The following IGF2BP1 variants were observed in gnomAD, a reference collection of about 807,000 sequenced individuals.
IGF2BP1 encodes insulin like growth factor 2 mRNA binding protein 1.
In IGF2BP1, 11 loss-of-function variants were observed where a neutral mutation model predicts 74.9. The ratio of observed to expected loss-of-function variants is 0.15; its 90% confidence interval spans 0.09 to 0.24. IGF2BP1 has a LOEUF of 0.24. Among genes scored for constraint, IGF2BP1 ranks in the 10% least tolerant of loss-of-function variants. IGF2BP1 has a pLI of 1.00. For missense variants in IGF2BP1, 440 were observed against 757.4 expected (o/e 0.58, Z 4.92); for synonymous variants, 287 against 281.8 (o/e 1.02, Z -0.18).
At position 49,049,510 on chromosome 17, in the gene IGF2BP1, C is replaced by T. The variant is rs527761334; in HGVS notation, c.*66C>T. 405 of 1,393,064 alleles carry T rather than the reference C, an allele frequency of 2.9e-4. 1 individual carries two copies. Among genetic ancestry groups the T allele is most frequent in the Admixed American group, 1.3e-3 (73 of 55,116 alleles). The allele number at this position is 1,393,064 out of a possible 1,614,324, so 86.3% of individuals were successfully genotyped here. ...GCAGAAATCGAGAGTGTGCTCTCCC[C>T]GGCAGGCCTGAGAATGAGTGGGAAT... On this transcript the variant is annotated 3_prime_UTR_variant, in exon 15 of 15. Transcript: ENST00000290341.
intron 2 of IGF2BP1, among the ~76,000 whole-genome samples, chr17:49,022,025 C>T (rs113380629): frequency 0.016 from 2,362 of 152,326 alleles, 78 homozygotes; most frequent in African/African-American, 0.054. Context: ...TCTGGATACT[C>T]CAGTTCCCTG....
At chr17:49,019,963 C>T (rs1215560975) in intron 2 of IGF2BP1, among the ~76,000 whole-genome samples, 28 of 85,344 alleles carry the variant, frequency 3.3e-4, no homozygotes, top group African/African-American at 8.9e-4. Flanking sequence ...TATACACACA[C>T]ACACACACAC....
At chr17:49,028,943 A>G (rs1185764221) in intron 4 of IGF2BP1, among the ~76,000 whole-genome samples, 1 of 152,116 alleles carries the variant, frequency 6.6e-6, no homozygotes, top group Non-Finnish European at 1.5e-5. Context: ...AGTAGCTGGG[A>G]TTACAGGCAC....
At chr17:49,021,128 G>A (rs1273290593) in intron 2 of IGF2BP1, among the ~76,000 whole-genome samples, 3 of 151,462 alleles carry the variant, frequency 2.0e-5, no homozygotes, top group African/African-American at 7.3e-5. Flanking sequence ...GGATGACAGA[G>A]CAATACCCTG....
At chr17:49,034,578 A>G (rs1364384866) in intron 5 of IGF2BP1, among the ~76,000 whole-genome samples, 3 of 151,832 alleles carry the variant, frequency 2.0e-5, no homozygotes, top group East Asian at 3.9e-4. Context: ...CATCTCTATA[A>G]AAATTACAAA....
intron 2 of IGF2BP1, among the ~76,000 whole-genome samples, chr17:49,003,869 A>G (rs1392165772): frequency 6.6e-6 from 1 of 152,012 alleles, no homozygotes; most frequent in Non-Finnish European, 1.5e-5. Flanking sequence ...GGAGTCTCAC[A>G]GTGTTACCCA....
At chr17:49,014,522 T>TGGGGAGGAAGACCTCCAC (rs935100851) in intron 2 of IGF2BP1, among the ~76,000 whole-genome samples, 6 of 151,754 alleles carry the variant, frequency 4.0e-5, no homozygotes, top group Non-Finnish European at 8.8e-5. Context: ...TGCGGAGCCC[T>TGGGGAGGAAGACCTCCAC]GGGGAGGAAG....
At chr17:49,020,463 T>G (rs554296993) in intron 2 of IGF2BP1, among the ~76,000 whole-genome samples, 15 of 152,148 alleles carry the variant, frequency 9.9e-5, no homozygotes, top group African/African-American at 3.6e-4. Context: ...GGTACTGAGA[T>G]AGAGAGGTTG....
intron 5 of IGF2BP1, among the ~76,000 whole-genome samples, chr17:49,034,885 CAT>C (rs1266992046): frequency 1.2e-4 from 18 of 152,138 alleles, no homozygotes; most frequent in Admixed American, 1.1e-3. Flanking sequence ...TAATTTATTA[CAT>C]GTTTTCACTT....
chr17:49,038,042 C>A, intron 5 of IGF2BP1, 126 bp from the exon 6 acceptor site: 1 of 767,196 alleles, frequency 1.3e-6, no homozygotes, highest in Non-Finnish European at 1.9e-6. Context: ...AGGTAGTGGG[C>A]AGGTGACTAT....
Position 49,054,555 on chromosome 17 carries a change from C to G in IGF2BP1, c.*5111C>G, listed in dbSNP as rs2042203767. 6.6e-6 allele frequency: 1 copy of G among 152,454 alleles called. No homozygotes were observed. Among genetic ancestry groups the G allele is most frequent in the Non-Finnish European group, 1.5e-5 (1 of 68,210 alleles). The allele number at this position is 152,454 out of a possible 1,614,324, so 9.4% of individuals were successfully genotyped here. On this transcript the variant is annotated 3_prime_UTR_variant, in exon 15 of 15. Coordinates refer to ENST00000290341, the MANE Select transcript of IGF2BP1 (RefSeq NM_006546.4). ...GGGCTGGCCATGAGGTCCCCACTTTCTGCTTTCCTTGCCCATGTGTCACCC... is the reference window on the plus strand; with the variant it reads ...GGGCTGGCCATGAGGTCCCCACTTTGTGCTTTCCTTGCCCATGTGTCACCC...
At chr17:48,998,577 G>C (rs940802356) in intron 1 of IGF2BP1, among the ~76,000 whole-genome samples, 7 of 152,176 alleles carry the variant, frequency 4.6e-5, no homozygotes, top group Non-Finnish European at 1.0e-4. Flanking sequence ...AGGCGCGCGC[G>C]GTGGCAGTGA....
rs2042185171 is a variant in IGF2BP1, at chr17:49,053,040, G to C, written c.*3596G>C. The C allele has an allele frequency of 6.6e-6, 1 of 152,142 alleles. No homozygotes were observed. The highest frequency in any genetic ancestry group is 6.5e-5 in the Admixed American group (1 of 15,274). 9.4% of individuals were successfully genotyped at this position (152,142 alleles called of 1,614,324 possible). On this transcript the variant is annotated 3_prime_UTR_variant, in exon 15 of 15. Transcript: ENST00000290341. ...GGTTGTGGACTCAGCTCCTGTGAGG[G>C]GTCTGGTTAGGAGAGAGCCATTTTT...
In IGF2BP1 at chr17:49,043,445, C is replaced by T. The variant is rs779208625; in HGVS notation, c.1095C>T (p.Ile365=). The change falls in exon 10 of 15, where the codon ATC becomes ATT. Residue 365 remains isoleucine, a synonymous_variant. Transcript: ENST00000290341. ...TTCCCCAGCTGCAGTCTCACCTGATCCCTGGCCTGAACCTGGCTGCTGTAG... is the reference window on the plus strand; with the variant it reads ...TTCCCCAGCTGCAGTCTCACCTGATTCCTGGCCTGAACCTGGCTGCTGTAG... ...VAAMSLQSHL[I]PGLNLAAVGL... 4 of 1,614,030 alleles carry T rather than the reference C, an allele frequency of 2.5e-6. No individual in the cohort carries two copies. The highest frequency in any genetic ancestry group is 2.5e-6 in the Non-Finnish European group (3 of 1,179,968).
chr17:49,026,362 C>A, intron 3 of IGF2BP1, 104 bp from the exon 4 acceptor site: 1 of 964,782 alleles, frequency 1.0e-6, no homozygotes, highest in Admixed American at 1.7e-5. Context: ...ACTCCTATGG[C>A]TCTGTCAATG....
chr17:49,010,188 A>T (rs992679195), intron 2 of IGF2BP1, among the ~76,000 whole-genome samples: 1 of 152,246 alleles, frequency 6.6e-6, no homozygotes, highest in African/African-American at 2.4e-5. Flanking sequence ...CTCTGTAGCC[A>T]TTAAATAATA....
chr17:49,001,986 G>T (rs2041492505), intron 2 of IGF2BP1, among the ~76,000 whole-genome samples: 1 of 152,020 alleles, frequency 6.6e-6, no homozygotes, highest in South Asian at 2.1e-4. Flanking sequence ...CATATTCACT[G>T]TCAACTGGTG....
At chr17:49,005,708 G>T (rs111696661) in intron 2 of IGF2BP1, among the ~76,000 whole-genome samples, 1 of 152,202 alleles carries the variant, frequency 6.6e-6, no homozygotes, top group Admixed American at 6.5e-5. Flanking sequence ...TGAAAAGAAG[G>T]TTAAGGAGAA....
At chr17:49,026,373 C>T (rs535717098) in intron 3 of IGF2BP1, 93 bp from the exon 4 acceptor site, 2 of 1,092,560 alleles carry the variant, frequency 1.8e-6, no homozygotes, top group East Asian at 4.7e-5. Flanking sequence ...TCTGTCAATG[C>T]CCGATTGCTT....
Sources: allele counts gnomAD v4.1 joint callset (sites outside exome capture counted in the v4.1 genomes callset), GRCh38; gene constraint gnomAD v4.1.1; transcripts MANE v1.5; gene names NCBI Gene and HGNC (gene_info 2026-07-23, HGNC 2026-07-21).